Variants in RIPOR3 observed in about 807,000 individuals in gnomAD.
RIPOR3 encodes family with sequence similarity 65 member C.
A neutral mutation model predicts 114.3 loss-of-function variants in RIPOR3; 95 were observed. That is an observed-to-expected ratio of 0.83 (90% CI 0.70 to 0.99). RIPOR3 has a LOEUF of 0.99. Among genes scored for constraint, RIPOR3 ranks in the 50% least tolerant of loss-of-function variants. The pLI, the probability that RIPOR3 is intolerant of heterozygous loss-of-function variation, is 0.00. For missense variants in RIPOR3, 1,252 were observed against 1,266.9 expected (o/e 0.99, Z 0.18); for synonymous variants, 575 against 543.8 (o/e 1.06, Z -0.80).
chr20:50,613,010 T>C (rs1395379777), intron 4 of RIPOR3, among the ~76,000 whole-genome samples: 3 of 152,172 alleles, frequency 2.0e-5, no homozygotes, highest in South Asian at 2.1e-4. Flanking sequence ...AGAGGATTGC[T>C]TGAGCCCAGG....
At chr20:50,673,986 C>G (rs1228072428) in intron 1 of RIPOR3, among the ~76,000 whole-genome samples, 1 of 152,216 alleles carries the variant, frequency 6.6e-6, no homozygotes, top group Non-Finnish European at 1.5e-5. Context: ...CAAGCTCTGC[C>G]ATGCACAGGA....
intron 1 of RIPOR3, among the ~76,000 whole-genome samples, chr20:50,688,524 G>A (rs1485494579): frequency 6.6e-6 from 1 of 152,160 alleles, no homozygotes; most frequent in African/African-American, 2.4e-5. Flanking sequence ...TAACAATGGT[G>A]TGTTTAGCAA....
intron 13 of RIPOR3, among the ~76,000 whole-genome samples, chr20:50,600,624 G>A (rs897519678): frequency 2.0e-5 from 3 of 152,104 alleles, no homozygotes; most frequent in Admixed American, 1.3e-4. Context: ...GCCAGGCATG[G>A]TGATGTGTGC....
chr20:50,599,341 G>A (rs2083414908), intron 13 of RIPOR3, among the ~76,000 whole-genome samples: 1 of 151,746 alleles, frequency 6.6e-6, no homozygotes, highest in Admixed American at 6.6e-5. Context: ...GCAGTAAGCT[G>A]AGATCGTGCC....
chr20:50,654,057 A>T (rs1283959208), intron 1 of RIPOR3: 3 of 151,710 alleles, frequency 2.0e-5, no homozygotes, highest in Non-Finnish European at 4.4e-5. Context: ...TTTTCTCTTT[A>T]GCATTTAATA....
chr20:50,631,886 T>C (rs1358267197), intron 1 of RIPOR3, among the ~76,000 whole-genome samples: 3 of 152,228 alleles, frequency 2.0e-5, no homozygotes, highest in African/African-American at 7.2e-5. Flanking sequence ...TACAGTTTCA[T>C]ACTTTGCTCC....
chr20:50,652,317 A>G (rs2085639344), intron 1 of RIPOR3, among the ~76,000 whole-genome samples: 3 of 152,188 alleles, frequency 2.0e-5, no homozygotes, highest in Admixed American at 6.5e-5. Context: ...GAGGCTGGGC[A>G]TGGTGGTTCA....
chr20:50,597,943 G>A (rs983053353), intron 13 of RIPOR3, among the ~76,000 whole-genome samples: 2 of 152,176 alleles, frequency 1.3e-5, no homozygotes, highest in Non-Finnish European at 2.9e-5. Flanking sequence ...AATCTTGAGG[G>A]GGACAGATCT....
chr20:50,659,057 G>T (rs1357093224), intron 1 of RIPOR3, among the ~76,000 whole-genome samples: 1 of 152,126 alleles, frequency 6.6e-6, no homozygotes, highest in Admixed American at 6.6e-5. Context: ...TCTAAATTTG[G>T]CCAAACAAGT....
At chr20:50,663,094 C>CAAAA (rs35856275) in intron 1 of RIPOR3, among the ~76,000 whole-genome samples, 3 of 69,340 alleles carry the variant, frequency 4.3e-5, no homozygotes, top group Non-Finnish European at 8.8e-5. Flanking sequence ...GAGACTGTCT[C>CAAAA]AAAAAAAAAA....
chr20:50,604,612 C>T, intron 12 of RIPOR3, 33 bp downstream of exon 12: 1 of 1,582,018 alleles, frequency 6.3e-7, no homozygotes, highest in Non-Finnish European at 8.6e-7. Flanking sequence ...CCAGGGTGAC[C>T]ACAGCGGCCC....
intron 1 of RIPOR3, among the ~76,000 whole-genome samples, chr20:50,690,401 C>G (rs543418131): frequency 8.5e-5 from 13 of 152,276 alleles, no homozygotes; most frequent in African/African-American, 3.1e-4. Context: ...GCCTGGAGCC[C>G]CTGCCCCATC....
At chr20:50,615,878 A>G (rs1353341600) in intron 4 of RIPOR3, 124 bp downstream of exon 4, 2 of 884,944 alleles carry the variant, frequency 2.3e-6, no homozygotes, top group East Asian at 2.7e-5. Flanking sequence ...TGAAGAGGCT[A>G]TTCCATAAAC....
At position 50,691,134 on chromosome 20, in the gene RIPOR3, A is replaced by T. The variant is rs2087199135; in HGVS notation, c.-6T>A. 7.8e-7 allele frequency: 1 copy of T among 1,289,364 alleles called. No individual in the cohort carries two copies. Among genetic ancestry groups the T allele is most frequent in the African/African-American group, 1.5e-5 (1 of 65,870 alleles). The allele number at this position is 1,289,364 out of a possible 1,614,324, so 79.9% of individuals were successfully genotyped here. A position where few individuals can be genotyped will look rare whatever the true frequency, so the allele number is the denominator to read the frequency against. The stretch of plus-strand genomic sequence containing the variant: ...AGTCACTTCACACTCACCATCGAGC[A>T]GGTCTGGACACTCGAGTGCAGTCCC... On this transcript the variant is annotated 5_prime_UTR_variant, in exon 1 of 22. Transcript: ENST00000327979.
rs769452606 is a variant in RIPOR3, at chr20:50,604,604, A to G, written c.1086+41T>C. The G allele has an allele frequency of 7.6e-6, 12 of 1,574,120 alleles. No individual in the cohort carries two copies. The South Asian group carries it at 1.2e-4, about 15-fold the overall frequency. On this transcript the variant is annotated intron_variant, in intron 12 of 21. Transcript: ENST00000327979. ...AGCTCCTGCGTGCTGCCCCCATCCC[A>G]GGGTGACCACAGCGGCCCTGCCCCG...
At chr20:50,626,564 T>C (rs1328508049) in intron 2 of RIPOR3, among the ~76,000 whole-genome samples, 1 of 152,164 alleles carries the variant, frequency 6.6e-6, no homozygotes, top group Non-Finnish European at 1.5e-5. Context: ...GGGCACTCTC[T>C]GGGCAGAGCT....
At chr20:50,648,566 A>G (rs186133890) in intron 1 of RIPOR3, among the ~76,000 whole-genome samples, 176 of 152,122 alleles carry the variant, frequency 1.2e-3, no homozygotes, top group African/African-American at 4.0e-3. Context: ...CATTACATTC[A>G]TTGTGCACTT....
chr20:50,638,531 T>C (rs1371179991), intron 1 of RIPOR3, among the ~76,000 whole-genome samples: 2 of 152,164 alleles, frequency 1.3e-5, no homozygotes, highest in Non-Finnish European at 2.9e-5. Context: ...CCACCAGCCA[T>C]GCCAGGGGTC....
At chr20:50,654,274 C>A (rs1753455189) in intron 1 of RIPOR3, among the ~76,000 whole-genome samples, 1 of 150,566 alleles carries the variant, frequency 6.6e-6, no homozygotes, top group Admixed American at 6.6e-5. Flanking sequence ...TCAAGTGATT[C>A]TCCTGCCTCA....
Sources: allele counts gnomAD v4.1 joint callset (sites outside exome capture counted in the v4.1 genomes callset), GRCh38; gene constraint gnomAD v4.1.1; transcripts MANE v1.5; gene names NCBI Gene and HGNC (gene_info 2026-07-23, HGNC 2026-07-21).